The following MYRIP variants were observed in gnomAD, a reference collection of about 807,000 sequenced individuals.
MYRIP encodes myosin VIIA and Rab interacting protein.
MYRIP carries 49 observed loss-of-function variants against 98.0 expected under a neutral mutation model. The observed-to-expected ratio is 0.50, with a 90% confidence interval of 0.40 to 0.63. The LOEUF (loss-of-function observed/expected upper bound fraction) is 0.63, where lower values mean the gene tolerates loss of function less well. MYRIP is among the 30% of genes least tolerant of loss of function. MYRIP has a pLI of 0.00. For missense variants in MYRIP, 1,004 were observed against 1,058.2 expected (o/e 0.95, Z 0.71); for synonymous variants, 404 against 409.5 (o/e 0.99, Z 0.16).
At chr3:40,011,059 A>G (rs1946751256) in intron 2 of MYRIP, among the ~76,000 whole-genome samples, 1 of 152,178 alleles carries the variant, frequency 6.6e-6, no homozygotes, top group South Asian at 2.1e-4. Context: ...TCTGATCTAC[A>G]CAGCCTCTCA....
At chr3:39,977,160 C>T (rs1416835219) in intron 2 of MYRIP, among the ~76,000 whole-genome samples, 1 of 151,848 alleles carries the variant, frequency 6.6e-6, no homozygotes, top group Admixed American at 6.6e-5. Flanking sequence ...CAAAACTGCC[C>T]ACTTCCCTCC....
intron 2 of MYRIP, among the ~76,000 whole-genome samples, chr3:39,911,744 G>A (rs1944025403): frequency 1.3e-5 from 2 of 152,186 alleles, no homozygotes; most frequent in South Asian, 4.1e-4. Flanking sequence ...GAACAGCCTG[G>A]AAATCAGAGT....
intron 5 of MYRIP, among the ~76,000 whole-genome samples, chr3:40,163,590 C>T (rs1436915560): frequency 1.3e-5 from 2 of 152,210 alleles, no homozygotes; most frequent in South Asian, 4.1e-4. Context: ...CACTCTCCCT[C>T]TTCTGGAGCT....
intron 1 of MYRIP, among the ~76,000 whole-genome samples, chr3:39,897,569 G>A (rs958672163): frequency 2.0e-5 from 3 of 152,188 alleles, no homozygotes; most frequent in African/African-American, 7.2e-5. Flanking sequence ...GTGTCTTTGG[G>A]AAACTGCTTC....
At chr3:39,919,824 A>C (rs1944268518) in intron 2 of MYRIP, among the ~76,000 whole-genome samples, 1 of 152,128 alleles carries the variant, frequency 6.6e-6, no homozygotes, top group African/African-American at 2.4e-5. Context: ...ACCTCAAAGC[A>C]GAGGCACAGA....
chr3:39,997,075 A>G (rs1355392257), intron 2 of MYRIP, among the ~76,000 whole-genome samples: 1 of 152,220 alleles, frequency 6.6e-6, no homozygotes, highest in East Asian at 1.9e-4. Flanking sequence ...CCCACAAGAG[A>G]AAGCAGGAAA....
At chr3:40,005,430 A>G (rs1404250540) in intron 2 of MYRIP, among the ~76,000 whole-genome samples, 1 of 152,272 alleles carries the variant, frequency 6.6e-6, no homozygotes, top group Non-Finnish European at 1.5e-5. Context: ...ACAATTAATT[A>G]GGTCCATTCT....
chr3:39,852,444 A>G (rs927681986), intron 1 of MYRIP, among the ~76,000 whole-genome samples: 2 of 152,180 alleles, frequency 1.3e-5, no homozygotes, highest in African/African-American at 2.4e-5. Flanking sequence ...TTACATGGGT[A>G]GGCTCTTTAG....
chr3:40,244,569 G>A lies in MYRIP; in HGVS notation c.2224G>A (p.Ala742Thr), dbSNP rs1182413814. ...TCTGGCGGATCTGGAGGACCAGGTGGCCACGGCTGCAGCCCAAGTCCACCA... is the reference window on the plus strand; with the variant it reads ...TCTGGCGGATCTGGAGGACCAGGTGACCACGGCTGCAGCCCAAGTCCACCA... The part of the protein sequence containing the change: ...THLADLEDQV[A>T]TAAAQVHHAE... Residue 742 changes from alanine (A) to threonine (T), a missense_variant, in exon 13 of 17, where the codon GCC becomes ACC. Coordinates refer to ENST00000302541, the MANE Select transcript of MYRIP (RefSeq NM_015460.4). The A allele has an allele frequency of 6.2e-7, 1 of 1,613,770 alleles. No homozygotes were observed. Among genetic ancestry groups the A allele is most frequent in the East Asian group, 2.2e-5 (1 of 44,880 alleles).
intron 3 of MYRIP, among the ~76,000 whole-genome samples, chr3:40,055,075 C>T (rs1417261331): frequency 6.6e-6 from 1 of 152,106 alleles, no homozygotes; most frequent in African/African-American, 2.4e-5. Flanking sequence ...TGCTTATTTA[C>T]ATGGTAGGGA....
At chr3:39,922,067 G>A (rs765100697) in intron 2 of MYRIP, among the ~76,000 whole-genome samples, 49 of 152,210 alleles carry the variant, frequency 3.2e-4, no homozygotes, top group African/African-American at 1.1e-3. Flanking sequence ...GACTGGCTGT[G>A]TTCCCTGGGT....
chr3:39,962,453 G>GTT (rs35184278), intron 2 of MYRIP, among the ~76,000 whole-genome samples: 1 of 107,640 alleles, frequency 9.3e-6, no homozygotes. Flanking sequence ...CTCTGGGCTA[G>GTT]TTTTTTTTTT....
intron 8 of MYRIP, among the ~76,000 whole-genome samples, chr3:40,171,331 T>C (rs1279822310): frequency 6.6e-6 from 1 of 152,118 alleles, no homozygotes; most frequent in African/African-American, 2.4e-5. Flanking sequence ...ACAAGGGGCC[T>C]TTCCAGCAGA....
At chr3:39,829,036 C>T (rs564867214) in intron 1 of MYRIP, among the ~76,000 whole-genome samples, 1 of 151,766 alleles carries the variant, frequency 6.6e-6, no homozygotes, top group Non-Finnish European at 1.5e-5. Flanking sequence ...ACTTTTAGTT[C>T]TTTAAGGAAT....
intron 2 of MYRIP, among the ~76,000 whole-genome samples, chr3:39,933,841 A>G (rs1944596897): frequency 6.6e-5 from 10 of 152,228 alleles, no homozygotes; most frequent in Admixed American, 5.9e-4. Context: ...TTATAGATAA[A>G]GAAACTGAGG....
intron 3 of MYRIP, among the ~76,000 whole-genome samples, chr3:40,118,733 C>T (rs1949334248): frequency 6.6e-6 from 1 of 151,930 alleles, no homozygotes; most frequent in African/African-American, 2.4e-5. Context: ...GGTATATCTC[C>T]TAATGCTATC....
At chr3:39,861,629 G>A (rs1942471611) in intron 1 of MYRIP, among the ~76,000 whole-genome samples, 1 of 151,664 alleles carries the variant, frequency 6.6e-6, no homozygotes, top group Non-Finnish European at 1.5e-5. Flanking sequence ...AATATGAAAT[G>A]GCCATTTTAA....
rs945892954 is a variant in MYRIP, at chr3:39,898,130, G to T, written c.-30-2657G>T. 2.0e-5 allele frequency among the ~76,000 whole-genome samples: 3 copies of T among 152,268 alleles called. No homozygotes were observed. The South Asian group carries it at 6.2e-4, about 32-fold the overall frequency. ...CTTCCCTTGCCTTTGCAGTCTGTGGGTAGGATGTTACTTCTAATTGACTTA... is the reference window on the plus strand; with the variant it reads ...CTTCCCTTGCCTTTGCAGTCTGTGGTTAGGATGTTACTTCTAATTGACTTA... On this transcript the variant is annotated intron_variant, in intron 1 of 16. Transcript: ENST00000302541.
intron 4 of MYRIP, among the ~76,000 whole-genome samples, chr3:40,157,468 C>G (rs1437523801): frequency 8.8e-5 from 13 of 147,646 alleles, no homozygotes; most frequent in African/African-American, 3.0e-4. Flanking sequence ...TTTTTGGTTG[C>G]GTCTCTGCCC....
Sources: gnomAD v4.1 joint callset for allele counts (sites outside exome capture counted in the v4.1 genomes callset) on GRCh38, gnomAD v4.1.1 for gene constraint, MANE v1.5 for transcripts, NCBI Gene and HGNC (gene_info 2026-07-23, HGNC 2026-07-21) for gene names.